The following SCAF8 variants were observed in gnomAD, a reference collection of about 807,000 sequenced individuals.
SCAF8 encodes the protein SR-related and CTD-associated factor 8.
SCAF8 carries 23 observed loss-of-function variants against 140.5 expected under a neutral mutation model. The observed-to-expected ratio is 0.16, with a 90% CI of 0.12 to 0.23. SCAF8 has a LOEUF of 0.23. Among genes scored for constraint, SCAF8 ranks in the 10% least tolerant of loss-of-function variants. SCAF8 has a pLI of 1.00. For missense variants in SCAF8, 1,397 were observed against 1,555.7 expected (o/e 0.90, Z 1.72); for synonymous variants, 575 against 528.9 (o/e 1.09, Z -1.20).
chr6:154,822,444 T>G (rs1778448488), intron 16 of SCAF8, 35 bp downstream of exon 16: 3 of 1,567,520 alleles, frequency 1.9e-6, no homozygotes, highest in East Asian at 2.2e-5. Flanking sequence ...TTTTCTTGTG[T>G]TGTTTTACAT....
chr6:154,788,093 T>C, intron 4 of SCAF8, 71 bp downstream of exon 4: 1 of 1,290,654 alleles, frequency 7.7e-7, no homozygotes, highest in South Asian at 1.4e-5. Context: ...TAATTAGTCT[T>C]CAGATTATCT....
At chr6:154,824,058 T>C (rs1046222106) in intron 16 of SCAF8, among the ~76,000 whole-genome samples, 176 bp from the exon 17 acceptor site, 2 of 151,838 alleles carry the variant, frequency 1.3e-5, no homozygotes, top group African/African-American at 4.8e-5. Flanking sequence ...TTGAATAACA[T>C]TGCCTTGTTT....
At chr6:154,805,759 T>A (rs925004688) in intron 9 of SCAF8, among the ~76,000 whole-genome samples, 1 of 152,076 alleles carries the variant, frequency 6.6e-6, no homozygotes, top group Non-Finnish European at 1.5e-5. Flanking sequence ...ATTGTAGAAA[T>A]TAATTTCAGT....
intron 18 of SCAF8, among the ~76,000 whole-genome samples, chr6:154,830,408 A>G (rs985700446): frequency 5.9e-5 from 9 of 152,184 alleles, no homozygotes; most frequent in Admixed American, 2.6e-4. Context: ...ATTTATACCC[A>G]TTCTTTAAGA....
rs532893908 is a variant in SCAF8, at chr6:154,796,353, TTCTCTC to T, written c.606+1248_606+1253del. The stretch of plus-strand genomic sequence containing the variant: ...ATAATGATTCAGCATTGCAATCCTG[TTCTCTC>T]TCTCTCTCTCTCTCTCTCTCTCTCT... On this transcript the variant is annotated intron_variant, in intron 6 of 19. Transcript: ENST00000367178. 5.7e-3 allele frequency among the ~76,000 whole-genome samples: 428 copies of T among 75,242 alleles called. 4 individuals carry two copies. Among genetic ancestry groups the T allele is most frequent in the African/African-American group, 9.0e-3 (114 of 12,622 alleles). The allele number at this position is 75,242 out of a possible 152,430, so 49.4% of individuals were successfully genotyped here.
At chr6:154,756,652 T>C (rs1368912979) in intron 1 of SCAF8, among the ~76,000 whole-genome samples, 3 of 152,220 alleles carry the variant, frequency 2.0e-5, no homozygotes, top group Admixed American at 6.5e-5. Context: ...AATTTATACA[T>C]TGTATACAAG....
chr6:154,790,489 ATTTTTTTTTTTTTTTTTTTTTT>A (rs57095332), intron 4 of SCAF8, among the ~76,000 whole-genome samples: 13 of 70,802 alleles, frequency 1.8e-4, no homozygotes, highest in South Asian at 6.1e-4. Context: ...ATTTAACAGA[ATTTTTTTTTTTTTTTTTTTTTT>A]TTTTTTTTTT....
intron 3 of SCAF8, among the ~76,000 whole-genome samples, chr6:154,781,829 T>C (rs768344314): frequency 2.6e-5 from 4 of 152,200 alleles, no homozygotes; most frequent in African/African-American, 4.8e-5. Flanking sequence ...TTCCATTTTA[T>C]AAGAAGCTAC....
intron 8 of SCAF8, among the ~76,000 whole-genome samples, chr6:154,804,540 A>G (rs1777860381): frequency 6.6e-6 from 1 of 152,130 alleles, no homozygotes; most frequent in Non-Finnish European, 1.5e-5. Flanking sequence ...GTTGAGCTGA[A>G]TCCTGTTTCC....
At chr6:154,782,293 C>T (rs1017830810) in intron 3 of SCAF8, among the ~76,000 whole-genome samples, 1 of 152,120 alleles carries the variant, frequency 6.6e-6, no homozygotes, top group Admixed American at 6.6e-5. Flanking sequence ...CCCGTGTTCC[C>T]AGCTGCTTAT....
In SCAF8 at chr6:154,832,348, G is replaced by A. The variant is rs760841834; in HGVS notation, c.2769G>A (p.Met923Ile). Residue 923 changes from methionine to isoleucine, a missense_variant, in exon 20 of 20, where the codon ATG becomes ATA. By Grantham distance (10) the Met-to-Ile change is conservative. This residue lies in a region of SCAF8 where 930 missense variants were observed against 874.6 expected (regional missense o/e 1.06). Coordinates refer to ENST00000367178, the MANE Select transcript of SCAF8 (RefSeq NM_014892.5). The stretch of plus-strand genomic sequence containing the variant: ...ATCAAAGGATGCCCACAATGCCAAT[G>A]TTAGACATTCGTCCGGGACTAATAC... ...IPNQRMPTMP[M>I]LDIRPGLIPQ... is the part of the protein sequence containing the mutation. 3.1e-6 allele frequency: 5 copies of A among 1,613,972 alleles called. No homozygotes were observed. Among genetic ancestry groups the A allele is most frequent in the Non-Finnish European group, 4.2e-6 (5 of 1,180,002 alleles).
chr6:154,791,216 T>C (rs1199948417), intron 4 of SCAF8, among the ~76,000 whole-genome samples: 6 of 152,174 alleles, frequency 3.9e-5, no homozygotes, highest in Admixed American at 2.6e-4. Context: ...GGAAGACATA[T>C]AAGTAGGAAT....
intron 1 of SCAF8, among the ~76,000 whole-genome samples, chr6:154,765,899 A>G (rs1209125449): frequency 2.6e-5 from 4 of 152,160 alleles, no homozygotes; most frequent in Non-Finnish European, 5.9e-5. Context: ...CCCATGAACA[A>G]TGGGAGGTTT....
At position 154,832,919 on chromosome 6, in the gene SCAF8, A is replaced by G. The variant is rs1778795357; in HGVS notation, c.3340A>G (p.Lys1114Glu). 1 of 1,614,140 alleles carries G rather than the reference A, an allele frequency of 6.2e-7. No homozygotes were observed. Among genetic ancestry groups the G allele is most frequent in the African/African-American group, 1.3e-5 (1 of 75,050 alleles). The change falls in exon 20 of 20, where the codon AAA becomes GAA. Residue 1114 changes from lysine (K) to glutamate (E), a missense_variant. By Grantham distance (56) the Lys-to-Glu change is moderately conservative. Coordinates refer to ENST00000367178, the MANE Select transcript of SCAF8 (RefSeq NM_014892.5). ...GGTTCTACCGGTCTATGGTGGTCCA[A>G]AAGGCTTACATGAAGAAAGAGGTAG... ...HRVLPVYGGP[K>E]GLHEERGRFR...
chr6:154,737,571 A>G (rs976731448), intron 1 of SCAF8, among the ~76,000 whole-genome samples: 3 of 151,982 alleles, frequency 2.0e-5, no homozygotes, highest in African/African-American at 7.3e-5. Context: ...TGTAGTCCCA[A>G]CATGGGTGAA....
At chr6:154,768,335 G>T (rs573960213) in intron 1 of SCAF8, among the ~76,000 whole-genome samples, 3 of 152,160 alleles carry the variant, frequency 2.0e-5, no homozygotes, top group Non-Finnish European at 4.4e-5. Flanking sequence ...CAAGGTTCAT[G>T]TTACTCCACT....
intron 17 of SCAF8, chr6:154,824,980 T>C (rs1042585877): frequency 2.0e-5 from 3 of 152,014 alleles, no homozygotes; most frequent in Non-Finnish European, 2.9e-5. Context: ...AAAAGAATTA[T>C]TACTCTTAAA....
chr6:154,820,745 G>A (rs531304793), intron 15 of SCAF8, among the ~76,000 whole-genome samples: 103 of 152,176 alleles, frequency 6.8e-4, no homozygotes, highest in African/African-American at 2.3e-3. Context: ...AGTTTAGGGA[G>A]TTCAGATGCA....
chr6:154,809,218 C>G (rs1250806903), intron 11 of SCAF8, among the ~76,000 whole-genome samples: 1 of 152,022 alleles, frequency 6.6e-6, no homozygotes, highest in East Asian at 1.9e-4. Flanking sequence ...AATACCAAAC[C>G]GTTAGGAAAC....
Sources: gnomAD v4.1 joint callset for allele counts (sites outside exome capture counted in the v4.1 genomes callset) on GRCh38, gnomAD v4.1.1 for gene constraint, gnomAD v4.1.1 regional missense constraint, MANE v1.5 for transcripts, NCBI Gene and HGNC (gene_info 2026-07-23, HGNC 2026-07-21) for gene names.